Variants in TNFSF4 observed in about 807,000 individuals in gnomAD.
TNFSF4 encodes TNF superfamily member 4.
A neutral mutation model predicts 7.3 loss-of-function variants in TNFSF4; 4 were observed. That is an observed-to-expected ratio of 0.55 (90% CI 0.27 to 1.25). The LOEUF is 1.25. Among genes scored for constraint, TNFSF4 ranks in the 50% most tolerant of loss-of-function variants. TNFSF4 has a pLI of 0.12. For synonymous variants in TNFSF4, 76 were observed against 83.7 expected (o/e 0.91, Z 0.50); for missense variants, 181 against 208.8 (o/e 0.87, Z 0.82).
the TNFSF4 span, among the ~76,000 whole-genome samples, chr1:173,335,373 C>T: frequency 6.6e-6 from 1 of 152,224 alleles, no homozygotes; most frequent in African/African-American, 2.4e-5. Flanking sequence ...CTTTGAAGAG[C>T]TCTGTGATCA....
the TNFSF4 span, among the ~76,000 whole-genome samples, chr1:173,446,575 G>A: frequency 5.3e-5 from 8 of 152,176 alleles, no homozygotes; most frequent in African/African-American, 1.9e-4. Context: ...ATTAACATTC[G>A]AGTCAGTGGA....
At chr1:173,214,531 A>T in the TNFSF4 span, among the ~76,000 whole-genome samples, 2 of 152,334 alleles carry the variant, frequency 1.3e-5, no homozygotes, top group South Asian at 4.1e-4. Context: ...GAAGAAGAAG[A>T]ATTATCTTGG....
chr1:173,344,729 G>A, the TNFSF4 span, among the ~76,000 whole-genome samples: 3 of 152,230 alleles, frequency 2.0e-5, no homozygotes, highest in African/African-American at 7.2e-5. Context: ...TTTAATATCT[G>A]GAGACCAAGT....
chr1:173,354,720 G>T, the TNFSF4 span, among the ~76,000 whole-genome samples: 126 of 151,984 alleles, frequency 8.3e-4, no homozygotes, highest in Non-Finnish European at 1.3e-3. Flanking sequence ...TTACTGAAAT[G>T]CAAAAAATAA....
At chr1:173,307,281 A>G in the TNFSF4 span, among the ~76,000 whole-genome samples, 2 of 151,910 alleles carry the variant, frequency 1.3e-5, 1 homozygote, top group South Asian at 4.1e-4. Flanking sequence ...GAGAAGGACA[A>G]AATATTGCTA....
chr1:173,259,232 C>T, the TNFSF4 span, among the ~76,000 whole-genome samples: 13 of 152,036 alleles, frequency 8.6e-5, no homozygotes, highest in African/African-American at 3.1e-4. Context: ...TGGAGTGGAC[C>T]CCCAGCAAAT....
At chr1:173,202,874 AATTT>A (rs1462872330) in intron 1 of TNFSF4, among the ~76,000 whole-genome samples, 2 of 152,080 alleles carry the variant, frequency 1.3e-5, no homozygotes, top group Non-Finnish European at 2.9e-5. Context: ...CTGCTTAAAT[AATTT>A]ATCCTCCTCC....
At chr1:173,328,444 T>G in the TNFSF4 span, among the ~76,000 whole-genome samples, 2 of 151,902 alleles carry the variant, frequency 1.3e-5, no homozygotes, top group Non-Finnish European at 2.9e-5. Context: ...ACATGGCACA[T>G]GTATACATAT....
At chr1:173,337,967 G>T in the TNFSF4 span, among the ~76,000 whole-genome samples, 142,902 of 152,218 alleles carry the variant, frequency 0.94, 67,747 homozygotes, top group East Asian at 1. Flanking sequence ...GTAATAGTCA[G>T]TCTCCCTCTC....
chr1:173,229,918 C>A, the TNFSF4 span, among the ~76,000 whole-genome samples: 2 of 152,120 alleles, frequency 1.3e-5, no homozygotes, highest in Non-Finnish European at 2.9e-5. Context: ...TACAGGACCA[C>A]CCAGATTCAT....
chr1:173,355,577 C>G, the TNFSF4 span, among the ~76,000 whole-genome samples: 2 of 152,192 alleles, frequency 1.3e-5, no homozygotes, highest in African/African-American at 2.4e-5. Flanking sequence ...AACAGGGCCT[C>G]CACCCATTTC....
At chr1:173,325,278 G>T in the TNFSF4 span, among the ~76,000 whole-genome samples, 1 of 152,116 alleles carries the variant, frequency 6.6e-6, no homozygotes, top group Admixed American at 6.5e-5. Context: ...GGTACATAAT[G>T]AAATGAAGGC....
chr1:173,339,224 T>G, the TNFSF4 span, among the ~76,000 whole-genome samples: 4 of 151,790 alleles, frequency 2.6e-5, no homozygotes, highest in Non-Finnish European at 4.4e-5. Context: ...ACAAAAAAAA[T>G]TTTTTTAATT....
At chr1:173,376,404 A>C in the TNFSF4 span, among the ~76,000 whole-genome samples, 3 of 152,198 alleles carry the variant, frequency 2.0e-5, no homozygotes, top group Non-Finnish European at 4.4e-5. Flanking sequence ...ACACATGGAC[A>C]CAGGGAGGGG....
the TNFSF4 span, among the ~76,000 whole-genome samples, chr1:173,272,911 C>T: frequency 6.6e-6 from 1 of 152,112 alleles, no homozygotes; most frequent in African/African-American, 2.4e-5. Context: ...CCATTGAAAG[C>T]TCTGCTCTTT....
chr1:173,419,831 A>G, the TNFSF4 span, among the ~76,000 whole-genome samples: 3 of 152,062 alleles, frequency 2.0e-5, no homozygotes, highest in South Asian at 2.1e-4. Context: ...TAGATTAACT[A>G]TAGCTCCTAG....
chr1:173,293,669 G>A, the TNFSF4 span, among the ~76,000 whole-genome samples: 3 of 152,060 alleles, frequency 2.0e-5, no homozygotes, highest in Admixed American at 6.6e-5. Flanking sequence ...ACTATCAACA[G>A]AGTCAACAGG....
At chr1:173,253,602 A>G in the TNFSF4 span, among the ~76,000 whole-genome samples, 142 of 152,332 alleles carry the variant, frequency 9.3e-4, no homozygotes, top group African/African-American at 3.4e-3. Flanking sequence ...CTGGTAACAA[A>G]GAGAGAACTG....
the TNFSF4 span, among the ~76,000 whole-genome samples, chr1:173,270,639 C>T: frequency 6.6e-6 from 1 of 151,804 alleles, no homozygotes; most frequent in East Asian, 1.9e-4. Context: ...ACATTTTTTC[C>T]CAATTATGTT....
Sources: allele counts gnomAD v4.1 joint callset (sites outside exome capture counted in the v4.1 genomes callset), GRCh38; gene constraint gnomAD v4.1.1; transcripts MANE v1.5; gene names NCBI Gene and HGNC (gene_info 2026-07-23, HGNC 2026-07-21).